Variants in CCDC152 observed in about 807,000 individuals in gnomAD.
CCDC152 encodes the protein coiled-coil domain-containing protein 152.
CCDC152 carries 37 observed loss-of-function variants against 38.1 expected under a neutral mutation model. That is an observed-to-expected ratio of 0.97 (90% CI 0.75 to 1.28). CCDC152 has a LOEUF of 1.28. Among genes scored for constraint, CCDC152 ranks in the 50% most tolerant of loss-of-function variants. The pLI, the probability that CCDC152 is intolerant of heterozygous loss-of-function variation, is 0.00. For synonymous variants in CCDC152, 83 were observed against 87.1 expected (o/e 0.95, Z 0.26); for missense variants, 259 against 292.1 (o/e 0.89, Z 0.83).
At chr5:42,773,557 A>G (rs192007021) in intron 4 of CCDC152, among the ~76,000 whole-genome samples, 45 of 152,296 alleles carry the variant, frequency 3.0e-4, no homozygotes, top group African/African-American at 9.9e-4. Flanking sequence ...ATGTTTCTGG[A>G]TAAGAGGATT....
Position 42,769,641 on chromosome 5 carries a change from A to C in CCDC152, c.238A>C (p.Ile80Leu). 6.7e-7 allele frequency: 1 copy of C among 1,488,382 alleles called. No homozygotes were observed. Among genetic ancestry groups the C allele is most frequent in the Non-Finnish European group, 9.0e-7 (1 of 1,116,382 alleles). 92.2% of individuals were successfully genotyped at this position (1,488,382 alleles called of 1,614,324 possible). A position where few individuals can be genotyped will look rare whatever the true frequency, so the allele number is the denominator to read the frequency against. Reference sequence around the variant, plus strand: ...TATAATAAAAGGGCTACAACAGACCATTGAATATCAACAGAATTTGAAAGG... The same window carrying C: ...TATAATAAAAGGGCTACAACAGACCCTTGAATATCAACAGAATTTGAAAGG... ...HNIIKGLQQT[I>L]EYQQNLKGEN... Residue 80 changes from isoleucine to leucine, a missense_variant, in exon 4 of 9, where the codon ATT (isoleucine) becomes CTT (leucine). Coordinates refer to ENST00000361970, the MANE Select transcript of CCDC152 (RefSeq NM_001134848.2).
Position 42,769,582 on chromosome 5 carries a change from T to A in CCDC152, c.194-15T>A. On this transcript the variant is annotated splice_polypyrimidine_tract_variant and intron_variant, in intron 3 of 8. Coordinates refer to ENST00000361970, the MANE Select transcript of CCDC152 (RefSeq NM_001134848.2). ...AGCAAGGGATTTTAAAATAAATTTATCTTTTATATTTCAGAATGTGCTACT... is the reference window on the plus strand; with the variant it reads ...AGCAAGGGATTTTAAAATAAATTTAACTTTTATATTTCAGAATGTGCTACT... 6.8e-7 allele frequency: 1 copy of A among 1,460,316 alleles called. No individual in the cohort carries two copies. The highest frequency in any genetic ancestry group is 2.7e-5 in the East Asian group (1 of 37,350). 90.5% of individuals were successfully genotyped at this position (1,460,316 alleles called of 1,614,324 possible).
chr5:42,763,078 G>A (rs1401611639), intron 3 of CCDC152, among the ~76,000 whole-genome samples: 6 of 152,034 alleles, frequency 3.9e-5, no homozygotes, highest in Non-Finnish European at 8.8e-5. Flanking sequence ...GTTTTTTTGA[G>A]ACATGGCTGA....
intron 6 of CCDC152, among the ~76,000 whole-genome samples, chr5:42,786,052 AG>A (rs758149445): frequency 6.6e-6 from 1 of 152,016 alleles, no homozygotes; most frequent in Non-Finnish European, 1.5e-5. Context: ...TATGTTTATC[AG>A]GGATATTGGC....
chr5:42,769,197 G>A (rs527475076), intron 3 of CCDC152, among the ~76,000 whole-genome samples: 4 of 151,312 alleles, frequency 2.6e-5, no homozygotes, highest in East Asian at 3.9e-4. Context: ...TGCGTGAGCC[G>A]ACATCGTGCC....
chr5:42,790,677 A>G lies in CCDC152; in HGVS notation c.431-6152A>G, dbSNP rs915765708. Among the ~76,000 whole-genome samples, 37 of 152,144 alleles carry G rather than the reference A, an allele frequency of 2.4e-4. 1 individual carries two copies. The highest frequency in any genetic ancestry group is 2.2e-3 in the Admixed American group (33 of 15,278). On this transcript the variant is annotated intron_variant, in intron 6 of 8. Coordinates refer to ENST00000361970, the MANE Select transcript of CCDC152 (RefSeq NM_001134848.2). ...CTGTGAAGAAGAGAAGAAAAGAAGGAATCTTGGGTAGGGAAAGTGTTAGAT... is the reference window on the plus strand; with the variant it reads ...CTGTGAAGAAGAGAAGAAAAGAAGGGATCTTGGGTAGGGAAAGTGTTAGAT...
Position 42,801,259 on chromosome 5 carries a change from G to A in CCDC152, c.*1478G>A, listed in dbSNP as rs576501614. 2.7e-5 allele frequency: 43 copies of A among 1,614,032 alleles called. No homozygotes were observed. The Admixed American group carries it at 7.2e-4, about 27-fold the overall frequency. On this transcript the variant is annotated 3_prime_UTR_variant, in exon 9 of 9. Coordinates refer to ENST00000361970, the MANE Select transcript of CCDC152 (RefSeq NM_001134848.2). Reference sequence around the variant, plus strand: ...TGATGATGCTCATGATGGTAATGAGGCGATGGAGTTTCAACTGTTTTATCC... The same window carrying A: ...TGATGATGCTCATGATGGTAATGAGACGATGGAGTTTCAACTGTTTTATCC...
chr5:42,795,182 GA>G (rs1414206289), intron 6 of CCDC152, among the ~76,000 whole-genome samples: 1 of 152,032 alleles, frequency 6.6e-6, no homozygotes, highest in Admixed American at 6.6e-5. Context: ...CAAAACTATA[GA>G]AAGATTTAAA....
intron 6 of CCDC152, among the ~76,000 whole-genome samples, chr5:42,792,893 GC>G (rs1760023638): frequency 6.6e-6 from 1 of 152,104 alleles, no homozygotes; most frequent in Non-Finnish European, 1.5e-5. Flanking sequence ...GATCTGAGAG[GC>G]TCATTGTCAT....
chr5:42,756,871 T>C lies in CCDC152; in HGVS notation c.-17T>C, dbSNP rs1759486098. The stretch of plus-strand genomic sequence containing the variant: ...AGCGGAAAGGGAGACTGTGGGGAAC[T>C]AGGAGCAACAGCAGGTACACTCCAA... On this transcript the variant is annotated 5_prime_UTR_variant, in exon 1 of 9. Coordinates refer to ENST00000361970, the MANE Select transcript of CCDC152 (RefSeq NM_001134848.2). 6.5e-6 allele frequency: 1 copy of C among 152,786 alleles called. No homozygotes were observed. The highest frequency in any genetic ancestry group is 2.4e-5 in the African/African-American group (1 of 41,442). The allele number at this position is 152,786 out of a possible 1,614,324, so 9.5% of individuals were successfully genotyped here. A position where few individuals can be genotyped will look rare whatever the true frequency, so the allele number is the denominator to read the frequency against.
In CCDC152 at chr5:42,780,376, T is replaced by C. The variant is rs567122631; in HGVS notation, c.327+854T>C. 7.9e-5 allele frequency among the ~76,000 whole-genome samples: 12 copies of C among 152,308 alleles called. 1 individual carries two copies. Among genetic ancestry groups the C allele is most frequent in the Admixed American group, 7.2e-4 (11 of 15,300 alleles). On this transcript the variant is annotated intron_variant, in intron 5 of 8. Transcript: ENST00000361970. ...TTCATCACCAATTTTGAGATGGTTT[T>C]TAAGTATTTCTGAAATGAATCCTAC...
rs567197537 is a variant in CCDC152, at chr5:42,773,377, C to T, written c.262+3712C>T. On this transcript the variant is annotated intron_variant, in intron 4 of 8. Coordinates refer to ENST00000361970, the MANE Select transcript of CCDC152 (RefSeq NM_001134848.2). ...TGAAAATTCAAAGCCAGTCATCTTACAAAAATTTAATAACTGGGATAATAT... is the reference window on the plus strand; with the variant it reads ...TGAAAATTCAAAGCCAGTCATCTTATAAAAATTTAATAACTGGGATAATAT... Among the ~76,000 whole-genome samples the T allele has an allele frequency of 1.3e-3, 200 of 152,208 alleles. 1 individual carries two copies. The highest frequency in any genetic ancestry group is 4.5e-3 in the African/African-American group (187 of 41,540).
At chr5:42,776,251 G>A (rs927053259) in intron 4 of CCDC152, among the ~76,000 whole-genome samples, 7 of 152,120 alleles carry the variant, frequency 4.6e-5, no homozygotes, top group Non-Finnish European at 1.0e-4. Context: ...AAGGGCTGGA[G>A]AAAGATATGC....
chr5:42,764,471 TA>T (rs748528449), intron 3 of CCDC152, among the ~76,000 whole-genome samples: 5 of 151,120 alleles, frequency 3.3e-5, no homozygotes, highest in East Asian at 1.9e-4. Context: ...CAAAGACACA[TA>T]AAAAAAAATA....
intron 7 of CCDC152, 102 bp from the exon 8 acceptor site, chr5:42,799,272 GA>G: frequency 1.7e-6 from 1 of 605,478 alleles, no homozygotes; most frequent in Non-Finnish European, 2.8e-6. Context: ...ATTTACACCT[GA>G]ATTACAGATT....
At chr5:42,763,862 G>GT (rs1301157285) in intron 3 of CCDC152, among the ~76,000 whole-genome samples, 1 of 152,088 alleles carries the variant, frequency 6.6e-6, no homozygotes, top group Non-Finnish European at 1.5e-5. Flanking sequence ...GAAATGTAGG[G>GT]TTTTTATTTT....
chr5:42,798,164 G>C (rs1345055965), intron 7 of CCDC152, among the ~76,000 whole-genome samples: 1 of 151,978 alleles, frequency 6.6e-6, no homozygotes. Flanking sequence ...TAAACAAACA[G>C]TCTTGAGTAG....
chr5:42,786,112 T>C (rs2111576398), intron 6 of CCDC152, among the ~76,000 whole-genome samples: 2 of 152,216 alleles, frequency 1.3e-5, no homozygotes, highest in South Asian at 4.1e-4. Flanking sequence ...GGTATCAGCA[T>C]GATACTGGTT....
chr5:42,771,974 C>T (rs1053846604), intron 4 of CCDC152, among the ~76,000 whole-genome samples: 4 of 152,134 alleles, frequency 2.6e-5, no homozygotes, highest in Non-Finnish European at 4.4e-5. Context: ...AAATTACATC[C>T]CAATATCCCT....
Sources: gnomAD v4.1 joint callset for allele counts (sites outside exome capture counted in the v4.1 genomes callset) on GRCh38, gnomAD v4.1.1 for gene constraint, MANE v1.5 for transcripts, NCBI Gene and HGNC (gene_info 2026-07-23, HGNC 2026-07-21) for gene names.